The following PTPRD variants were observed in gnomAD, a reference collection of about 807,000 sequenced individuals.
PTPRD encodes the protein receptor-type tyrosine-protein phosphatase delta.
A neutral mutation model predicts 214.5 loss-of-function variants in PTPRD; 34 were observed. The ratio of observed to expected loss-of-function variants is 0.16; its 90% CI spans 0.12 to 0.21. The LOEUF is 0.21. PTPRD is among the 10% of genes least tolerant of loss of function. The probability of loss-of-function intolerance (pLI) is 1.00; values close to 1 mark genes in which losing one functional copy is unlikely to be tolerated. For synonymous variants in PTPRD, 1,128 were observed against 845.7 expected (o/e 1.33, Z -5.79); for missense variants, 2,545 against 2,398.7 (o/e 1.06, Z -1.27).
chr9:8,851,468 C>T (rs1441613975), intron 11 of PTPRD, among the ~76,000 whole-genome samples: 1 of 152,106 alleles, frequency 6.6e-6, no homozygotes, highest in Non-Finnish European at 1.5e-5. Flanking sequence ...AAAGAGAGTT[C>T]TAGCAACTAC....
intron 11 of PTPRD, among the ~76,000 whole-genome samples, chr9:8,979,944 A>G (rs993370721): frequency 1.3e-5 from 2 of 152,134 alleles, no homozygotes; most frequent in African/African-American, 2.4e-5. Flanking sequence ...CATAGTAGCC[A>G]AAGTATGGAA....
chr9:9,573,677 C>T (rs922581770), intron 8 of PTPRD, among the ~76,000 whole-genome samples: 2 of 151,652 alleles, frequency 1.3e-5, no homozygotes, highest in East Asian at 3.9e-4. Context: ...AATTATTACT[C>T]AAAGTGTATC....
At chr9:8,338,598 A>G (rs1193476186) in intron 43 of PTPRD, among the ~76,000 whole-genome samples, 1 of 152,154 alleles carries the variant, frequency 6.6e-6, no homozygotes, top group East Asian at 1.9e-4. Context: ...TCCAAAGAGC[A>G]TGAGCTGAGA....
At chr9:10,231,495 T>A (rs1019676534) in intron 3 of PTPRD, among the ~76,000 whole-genome samples, 1 of 151,906 alleles carries the variant, frequency 6.6e-6, no homozygotes, top group East Asian at 1.9e-4. Flanking sequence ...TCTCTGCTGA[T>A]TAATTGGTGA....
At chr9:9,788,278 G>A (rs2098940676) in intron 5 of PTPRD, among the ~76,000 whole-genome samples, 1 of 151,518 alleles carries the variant, frequency 6.6e-6, no homozygotes, top group Non-Finnish European at 1.5e-5. Flanking sequence ...CTGGCCGGGC[G>A]CGGTGACTCA....
intron 10 of PTPRD, among the ~76,000 whole-genome samples, chr9:9,181,078 A>G (rs1194409967): frequency 6.6e-6 from 1 of 151,910 alleles, no homozygotes; most frequent in Non-Finnish European, 1.5e-5. Flanking sequence ...TCTTGCTCTA[A>G]CTCTTTAGCT....
rs539777396 is a variant in PTPRD at position 10,287,621 on chromosome 9, G to A, written c.-545+53342C>T. Among the ~76,000 whole-genome samples, 4 of 152,172 alleles carry A rather than the reference G, an allele frequency of 2.6e-5. No individual in the cohort carries two copies. The South Asian group carries it at 8.3e-4, about 32-fold the overall frequency. ...AATGCAATAACACAAGCTCAACCAG[G>A]AAGCCTCATAGTTCCAGGTGGAGTC... On this transcript the variant is annotated intron_variant, in intron 3 of 45. Coordinates refer to ENST00000381196, the MANE Select transcript of PTPRD (RefSeq NM_002839.4).
intron 10 of PTPRD, among the ~76,000 whole-genome samples, chr9:9,143,796 A>G (rs11535498): frequency 0.36 from 54,225 of 152,132 alleles, 10,266 homozygotes; most frequent in Non-Finnish European, 0.42. Context: ...GTAGAAAATC[A>G]TTATGGTTTG....
chr9:9,616,595 G>A (rs1386524114), intron 7 of PTPRD, among the ~76,000 whole-genome samples: 1 of 152,098 alleles, frequency 6.6e-6, no homozygotes, highest in African/African-American at 2.4e-5. Flanking sequence ...TCTTATTCGT[G>A]AGGGCTGCTA....
intron 9 of PTPRD, among the ~76,000 whole-genome samples, chr9:9,246,365 A>G (rs1369488478): frequency 2.6e-5 from 4 of 152,034 alleles, no homozygotes; most frequent in Admixed American, 2.6e-4. Flanking sequence ...CTTGATATGG[A>G]CTTCAGAAAA....
chr9:10,084,148 T>C (rs567230227), intron 3 of PTPRD, among the ~76,000 whole-genome samples: 20 of 152,144 alleles, frequency 1.3e-4, no homozygotes, highest in African/African-American at 4.8e-4. Flanking sequence ...TAGTAATACA[T>C]TATAATGTTC....
intron 11 of PTPRD, among the ~76,000 whole-genome samples, chr9:8,864,749 CT>C (rs2098166085): frequency 6.6e-6 from 1 of 152,134 alleles, no homozygotes; most frequent in Admixed American, 6.5e-5. Context: ...CCAGATCTTG[CT>C]TTGTTTTCCA....
intron 3 of PTPRD, among the ~76,000 whole-genome samples, chr9:10,195,890 A>G (rs1240581839): frequency 6.6e-6 from 1 of 152,172 alleles, no homozygotes; most frequent in Non-Finnish European, 1.5e-5. Flanking sequence ...AAGTAAAAGT[A>G]GCCAGACATG....
intron 12 of PTPRD, among the ~76,000 whole-genome samples, chr9:8,712,434 C>T (rs1238087283): frequency 1.3e-5 from 2 of 149,608 alleles, no homozygotes; most frequent in African/African-American, 4.9e-5. Flanking sequence ...GTGTTATTTT[C>T]GTCACTATGT....
At chr9:10,076,424 T>C (rs993912335) in intron 3 of PTPRD, among the ~76,000 whole-genome samples, 4 of 152,158 alleles carry the variant, frequency 2.6e-5, no homozygotes, top group Non-Finnish European at 5.9e-5. Context: ...ACTGTGTTAC[T>C]AGGCATCATT....
At chr9:9,404,007 G>A (rs1367402904) in intron 8 of PTPRD, among the ~76,000 whole-genome samples, 1 of 152,042 alleles carries the variant, frequency 6.6e-6, no homozygotes. Flanking sequence ...GAATGTTTAT[G>A]TAAAGGAACA....
intron 10 of PTPRD, among the ~76,000 whole-genome samples, chr9:9,097,274 A>G (rs1019946629): frequency 2.0e-5 from 3 of 152,152 alleles, no homozygotes; most frequent in African/African-American, 7.2e-5. Context: ...TATCAGCACT[A>G]TAATGAGGAG....
intron 5 of PTPRD, among the ~76,000 whole-genome samples, chr9:9,785,070 G>T (rs1378799948): frequency 1.3e-5 from 2 of 150,834 alleles, no homozygotes; most frequent in African/African-American, 4.9e-5. Flanking sequence ...AAGAATGAAA[G>T]AAAAGTTTTA....
chr9:9,954,508 A>G (rs1345669733), intron 4 of PTPRD, among the ~76,000 whole-genome samples: 1 of 151,914 alleles, frequency 6.6e-6, no homozygotes, highest in African/African-American at 2.4e-5. Context: ...CTTATAAAAT[A>G]CATAATCAGA....
Sources: allele counts gnomAD v4.1 joint callset (sites outside exome capture counted in the v4.1 genomes callset), GRCh38; gene constraint gnomAD v4.1.1; transcripts MANE v1.5; gene names NCBI Gene and HGNC (gene_info 2026-07-23, HGNC 2026-07-21).